Variants in ATAD2B observed in about 807,000 individuals in gnomAD.
The protein encoded by ATAD2B is ATPase family AAA domain containing 2B, also known as ATPase family AAA domain-containing protein 2B.
In ATAD2B, 40 loss-of-function variants were observed where a neutral mutation model predicts 167.6. The observed-to-expected ratio is 0.24, with a 90% CI of 0.19 to 0.31. The LOEUF (loss-of-function observed/expected upper bound fraction) is 0.31. Ranked by LOEUF, ATAD2B falls within the 10% of genes least tolerant of loss-of-function variation. The probability of loss-of-function intolerance (pLI) is 1.00; values close to 1 mark genes in which losing one functional copy is unlikely to be tolerated. For synonymous variants in ATAD2B, 579 were observed against 596.5 expected, an observed-to-expected ratio of 0.97 and a Z score of 0.43; for missense variants, 1,242 against 1,757.2, an observed-to-expected ratio of 0.71 and a Z score of 5.24.
chr2:23,853,825 C>G (rs928502627), intron 13 of ATAD2B, among the ~76,000 whole-genome samples: 29 of 152,134 alleles, frequency 1.9e-4, no homozygotes, highest in African/African-American at 6.5e-4. Flanking sequence ...ACCTGTAGAT[C>G]AATGGAATCA....
intron 19 of ATAD2B, among the ~76,000 whole-genome samples, chr2:23,796,273 A>G (rs990774345): frequency 3.9e-5 from 6 of 152,230 alleles, no homozygotes; most frequent in African/African-American, 7.2e-5. Context: ...TCAGAATTCA[A>G]TGCTGGCAAA....
intron 17 of ATAD2B, among the ~76,000 whole-genome samples, chr2:23,813,256 A>C (rs1332358731): frequency 6.6e-6 from 1 of 150,446 alleles, no homozygotes; most frequent in Non-Finnish European, 1.5e-5. Context: ...ATTTATATGC[A>C]TATGTTTATA....
chr2:23,781,793 T>C (rs1002333877), intron 22 of ATAD2B, among the ~76,000 whole-genome samples: 19 of 152,188 alleles, frequency 1.2e-4, no homozygotes, highest in East Asian at 7.7e-4. Flanking sequence ...GTTTCTTTTT[T>C]TTTCTTTCTT....
the ATAD2B span, chr2:23,695,749 A>G: frequency 6.4e-7 from 1 of 1,551,428 alleles, no homozygotes; most frequent in Admixed American, 2.0e-5. This position sits in a 1 kb window ranked among gnomAD's most constrained non-coding sequence, Gnocchi z 7.6. Context: ...GAACGAGGCC[A>G]AACGCTACCA....
At chr2:23,793,292 T>C (rs996517330) in intron 19 of ATAD2B, among the ~76,000 whole-genome samples, 6 of 152,214 alleles carry the variant, frequency 3.9e-5, no homozygotes, top group African/African-American at 1.4e-4. Flanking sequence ...TATATAATCT[T>C]AAACCTGCTC....
the ATAD2B span, among the ~76,000 whole-genome samples, chr2:23,678,851 A>C: frequency 1.3e-5 from 2 of 152,200 alleles, no homozygotes; most frequent in African/African-American, 4.8e-5. Context: ...AAGAGGGTCT[A>C]AAATAGTCAA....
At chr2:23,876,953 G>A (rs1696942944) in intron 7 of ATAD2B, among the ~76,000 whole-genome samples, 1 of 151,376 alleles carries the variant, frequency 6.6e-6, no homozygotes, top group African/African-American at 2.4e-5. Context: ...TGTAATCCCA[G>A]CTACTCGGGA....
At chr2:23,848,436 C>T (rs531992248) in intron 13 of ATAD2B, among the ~76,000 whole-genome samples, 12 of 152,186 alleles carry the variant, frequency 7.9e-5, no homozygotes, top group South Asian at 6.2e-4. Flanking sequence ...GCCGAGACTG[C>T]GCCACTACAC....
At chr2:23,780,384 TGTTACATAG>T (rs531049872) in intron 22 of ATAD2B, among the ~76,000 whole-genome samples, 2 of 151,600 alleles carry the variant, frequency 1.3e-5, no homozygotes, top group Non-Finnish European at 2.9e-5. Context: ...GCTGAAAAAC[TGTTACATAG>T]GAAGTCCAGC....
At chr2:23,910,915 G>A (rs537343561) in intron 1 of ATAD2B, among the ~76,000 whole-genome samples, 2 of 151,422 alleles carry the variant, frequency 1.3e-5, no homozygotes, top group South Asian at 2.1e-4. Flanking sequence ...GGAGGAGCAC[G>A]TTAAAGAGTC....
At chr2:23,810,233 A>C (rs1388337415) in intron 18 of ATAD2B, 83 bp downstream of exon 18, 1 of 1,222,334 alleles carries the variant, frequency 8.2e-7, no homozygotes, top group East Asian at 2.4e-5. Context: ...AAAAAATCTT[A>C]TCTTTAACAC....
chr2:23,699,425 T>A, the ATAD2B span, among the ~76,000 whole-genome samples: 1 of 152,198 alleles, frequency 6.6e-6, no homozygotes, highest in Non-Finnish European at 1.5e-5. Flanking sequence ...TGGAGGCAAC[T>A]GGAGTTGGGA....
chr2:23,766,220 G>A (rs1013156800), intron 22 of ATAD2B, among the ~76,000 whole-genome samples: 1 of 152,116 alleles, frequency 6.6e-6, no homozygotes, highest in African/African-American at 2.4e-5. Flanking sequence ...GGTAAACTAT[G>A]CCTAAAAATG....
At chr2:23,817,769 T>C (rs996675625) in intron 17 of ATAD2B, among the ~76,000 whole-genome samples, 2 of 152,184 alleles carry the variant, frequency 1.3e-5, no homozygotes, top group Non-Finnish European at 2.9e-5. Flanking sequence ...TCTCATTATT[T>C]AATCAAAGTC....
intron 19 of ATAD2B, among the ~76,000 whole-genome samples, chr2:23,792,056 A>G (rs62125865): frequency 4.0e-5 from 6 of 151,572 alleles, no homozygotes; most frequent in East Asian, 1.9e-4. Flanking sequence ...TTTTTTTTTA[A>G]TAACAGCCAT....
chr2:23,699,267 T>C, the ATAD2B span, among the ~76,000 whole-genome samples: 1 of 152,180 alleles, frequency 6.6e-6, no homozygotes, highest in Non-Finnish European at 1.5e-5. Flanking sequence ...AGGCCCCGTA[T>C]GCCTCCCAGG....
At chr2:23,821,013 C>T (rs944594232) in intron 16 of ATAD2B, among the ~76,000 whole-genome samples, 1 of 152,070 alleles carries the variant, frequency 6.6e-6, no homozygotes, top group Admixed American at 6.5e-5. Flanking sequence ...AACTGAGTAT[C>T]TTTTGAGTGA....
downstream of ATAD2B, among the ~76,000 whole-genome samples, chr2:23,743,934 TAA>T (rs962801192): frequency 9.9e-5 from 15 of 151,878 alleles, 1 homozygote; most frequent in African/African-American, 2.7e-4. Context: ...TGATTATACA[TAA>T]AAAAACAGGT....
At chr2:23,918,202 CAAA>C (rs35163952) in intron 1 of ATAD2B, among the ~76,000 whole-genome samples, 3 of 95,980 alleles carry the variant, frequency 3.1e-5, no homozygotes, top group Admixed American at 1.2e-4. Flanking sequence ...CTTGTCTCTA[CAAA>C]AAAAAAAAAA....
Sources: gnomAD v4.1 joint callset for allele counts (sites outside exome capture counted in the v4.1 genomes callset) on GRCh38, gnomAD v4.1.1 for gene constraint, Gnocchi (gnomAD v3.1) non-coding constraint, MANE v1.5 for transcripts, NCBI Gene and HGNC (gene_info 2026-07-23, HGNC 2026-07-21) for gene names.